RNFT2: variants seen among roughly 807,000 people sequenced by gnomAD.
RNFT2 encodes ring finger protein, transmembrane 2.
A neutral mutation model predicts 53.0 loss-of-function variants in RNFT2; 36 were observed. That is an observed-to-expected ratio of 0.68 (90% CI 0.52 to 0.90). RNFT2 has a LOEUF of 0.90. Among genes scored for constraint, RNFT2 ranks in the 40% least tolerant of loss-of-function variants. The pLI is 0.00. For missense variants in RNFT2, 514 were observed against 585.6 expected (o/e 0.88, Z 1.26); for synonymous variants, 260 against 253.2 (o/e 1.03, Z -0.26).
At chr12:116,816,876 G>T (rs549481819) in intron 7 of RNFT2, among the ~76,000 whole-genome samples, 16 of 152,282 alleles carry the variant, frequency 1.1e-4, no homozygotes, top group Non-Finnish European at 2.2e-4. Context: ...GTAGAGAACT[G>T]CTAGTTTCTT....
intron 5 of RNFT2, among the ~76,000 whole-genome samples, chr12:116,766,365 C>G (rs532134606): frequency 2.0e-5 from 3 of 152,168 alleles, no homozygotes; most frequent in African/African-American, 7.2e-5. Flanking sequence ...GGTTTCTTAA[C>G]CTCTCTGTGC....
intron 10 of RNFT2, among the ~76,000 whole-genome samples, chr12:116,841,545 C>G (rs528948216): frequency 6.7e-6 from 1 of 149,996 alleles, no homozygotes; most frequent in East Asian, 2.0e-4. Context: ...GTCAGGAGTT[C>G]GAGACCAGCC....
In RNFT2 at chr12:116,849,391, G is replaced by A; in HGVS notation, c.1278G>A (p.Val426=). 1.3e-6 allele frequency: 2 copies of A among 1,570,858 alleles called. No homozygotes were observed. Among genetic ancestry groups the A allele is most frequent in the South Asian group, 1.2e-5 (1 of 85,482 alleles). Residue 426 remains valine (V), a synonymous_variant, in exon 11 of 11, where the codon GTG becomes GTA. Transcript: ENST00000257575. The stretch of plus-strand genomic sequence containing the variant: ...GCCCGCTCTGCCGCTCGGTCGCCGT[G>A]GACACCCTGCGCTGCTGGAAGGACG... The part of the protein sequence containing the change: ...RTCPLCRSVA[V]DTLRCWKDGA...
At chr12:116,794,814 G>T (rs191450503) in intron 7 of RNFT2, among the ~76,000 whole-genome samples, 1 of 152,030 alleles carries the variant, frequency 6.6e-6, no homozygotes, top group Non-Finnish European at 1.5e-5. Flanking sequence ...ACCGCATGGA[G>T]TTCGGCTCGG....
chr12:116,836,340 T>C, intron 10 of RNFT2, 58 bp downstream of exon 10: 1 of 1,389,650 alleles, frequency 7.2e-7, no homozygotes, highest in Non-Finnish European at 1.0e-6. Context: ...GTAGGACCCT[T>C]CCCCATGGGC....
chr12:116,804,455 T>C (rs1874949906), intron 7 of RNFT2, among the ~76,000 whole-genome samples: 1 of 152,252 alleles, frequency 6.6e-6, no homozygotes, highest in Non-Finnish European at 1.5e-5. Context: ...CTCAGTTTAT[T>C]CATTTTTCAG....
Position 116,779,374 on chromosome 12 carries a change from T to C in RNFT2, c.882+26T>C, listed in dbSNP as rs1197138572. On this transcript the variant is annotated intron_variant, in intron 7 of 10. Transcript: ENST00000257575. ...GTAGGCACTGGCTGCGGCCACAAGG[T>C]AGCCCCAGTCACATGGATCATGCAG... 4 of 1,613,212 alleles carry C rather than the reference T, an allele frequency of 2.5e-6. No homozygotes were observed. In the African/African-American group the frequency reaches 4.0e-5, roughly 16 times the overall value.
Position 116,821,802 on chromosome 12 carries a change from C to CTTTTTTTTT in RNFT2, c.883-11966_883-11958dup, listed in dbSNP as rs149043452. Among the ~76,000 whole-genome samples the CTTTTTTTTT allele has an allele frequency of 1.4e-3, 62 of 43,938 alleles. 4 individuals are homozygous for CTTTTTTTTT. Among genetic ancestry groups the CTTTTTTTTT allele is most frequent in the African/African-American group, 3.8e-3 (37 of 9,782 alleles). 28.8% of individuals were successfully genotyped at this position (43,938 alleles called of 152,430 possible). A position where few individuals can be genotyped will look rare whatever the true frequency, so the allele number is the denominator to read the frequency against. On this transcript the variant is annotated intron_variant, in intron 7 of 10. Coordinates refer to ENST00000257575, the MANE Select transcript of RNFT2 (RefSeq NM_001382266.1). ...TCCTCCTTTTTCTGACTACTTGTTT[C>CTTTTTTTTT]TTTTTTTTTTTTTTTTTTTTTTTTT...
chr12:116,768,145 G>A (rs10850713), intron 6 of RNFT2, among the ~76,000 whole-genome samples: 7,572 of 147,586 alleles, frequency 0.051, 533 homozygotes, highest in African/African-American at 0.15. Flanking sequence ...TTGTTGCCCA[G>A]GCTGGGGTGC....
At position 116,750,196 on chromosome 12, in the gene RNFT2, G is replaced by T. The variant is rs1872122584; in HGVS notation, c.439G>T (p.Gly147Trp). 6.2e-7 allele frequency: 1 copy of T among 1,602,430 alleles called. No individual in the cohort carries two copies. The change falls in exon 4 of 11, where the codon GGG becomes TGG. Residue 147 changes from glycine (G) to tryptophan (W), a missense_variant. Gly to Trp is a radical substitution (Grantham distance 184, BLOSUM62 -2). Transcript: ENST00000257575. ...HSEEGGDEQP[G>W]TPAPALSELK... is the part of the protein sequence containing the mutation. ...GGAGGAGGGAGGCGACGAGCAGCCT[G>T]GGACGCCCGCCCCCGCCCTGTCCGA... is the stretch of plus-strand genomic sequence containing the variant.
rs1166429185 is a variant in RNFT2 at position 116,779,215 on chromosome 12, A to G, written c.749A>G (p.Asn250Ser). The G allele has an allele frequency of 6.2e-7, 1 of 1,613,866 alleles. No homozygotes were observed. Among genetic ancestry groups the G allele is most frequent in the Admixed American group, 1.7e-5 (1 of 60,004 alleles). ...CCCAGCCTCATATTCCTGAAGCCCA[A>G]CCTGGAGATGCTGGACTTCTTTGAC... The part of the protein sequence containing the change: ...LYNSLIFLKP[N>S]LEMLDFFDLL... The change falls in exon 7 of 11, where the codon AAC becomes AGC. Residue 250 changes from asparagine to serine, a missense_variant. This residue lies in a region of RNFT2 where 273 missense variants were observed against 334.4 expected (regional missense o/e 0.82). Transcript: ENST00000257575.
intron 7 of RNFT2, among the ~76,000 whole-genome samples, chr12:116,785,851 C>T (rs115201325): frequency 0.012 from 1,807 of 152,080 alleles, 43 homozygotes; most frequent in African/African-American, 0.042. Context: ...GAGTTCGAGA[C>T]AAGCCTGGGC....
rs984249125 is a variant in RNFT2, at chr12:116,850,312, GCCTGGCTAATTT to G, written c.*865_*876del. The G allele has an allele frequency of 1.7e-5, 2 of 120,346 alleles. No homozygotes were observed. The highest frequency in any genetic ancestry group is 1.7e-5 in the Non-Finnish European group (1 of 57,418). The allele number at this position is 120,346 out of a possible 1,614,324, so 7.5% of individuals were successfully genotyped here. A position where few individuals can be genotyped will look rare whatever the true frequency, so the allele number is the denominator to read the frequency against. On this transcript the variant is annotated 3_prime_UTR_variant, in exon 11 of 11. Transcript: ENST00000257575. Reference sequence around the variant, plus strand: ...TGGGACTACAGGTGTGTGCCACCAGGCCTGGCTAATTTTTTTTTTTTTTTAATTTTTAGTAGA... The same window carrying G: ...TGGGACTACAGGTGTGTGCCACCAGGTTTTTTTTTTTTAATTTTTAGTAGA...
In RNFT2 at chr12:116,852,237, G is replaced by A; in HGVS notation, c.*2789G>A. 1 of 1,278,270 alleles carries A rather than the reference G, an allele frequency of 7.8e-7. No homozygotes were observed. 79.2% of individuals were successfully genotyped at this position (1,278,270 alleles called of 1,614,324 possible). On this transcript the variant is annotated 3_prime_UTR_variant, in exon 11 of 11. Transcript: ENST00000257575. Reference sequence around the variant, plus strand: ...AGAGAAAGCAATCTGTGTGGCTAGTGGGCAGATTACCATGCAAGCCCCAGG... The same window carrying A: ...AGAGAAAGCAATCTGTGTGGCTAGTAGGCAGATTACCATGCAAGCCCCAGG...
At chr12:116,830,123 C>T (rs1229551600) in intron 7 of RNFT2, among the ~76,000 whole-genome samples, 1 of 152,066 alleles carries the variant, frequency 6.6e-6, no homozygotes, top group Admixed American at 6.6e-5. Flanking sequence ...GCTGCGAGTT[C>T]CCATATACCC....
intron 7 of RNFT2, among the ~76,000 whole-genome samples, chr12:116,832,146 A>ATATATATATAT (rs59112507): frequency 5.2e-4 from 37 of 71,056 alleles, no homozygotes; most frequent in Admixed American, 9.3e-4. Flanking sequence ...AAAAAAAAAA[A>ATATATATATAT]AAATATATAT....
chr12:116,810,944 T>C (rs1423451865), intron 7 of RNFT2, among the ~76,000 whole-genome samples: 1 of 152,240 alleles, frequency 6.6e-6, no homozygotes, highest in Admixed American at 6.5e-5. Flanking sequence ...GTCTCAACTT[T>C]TAGCTTGTCC....
rs149412279 is a variant in RNFT2 at position 116,834,441 on chromosome 12, A to G, written c.1032+500A>G. On this transcript the variant is annotated intron_variant, in intron 8 of 10. Coordinates refer to ENST00000257575, the MANE Select transcript of RNFT2 (RefSeq NM_001382266.1). The stretch of plus-strand genomic sequence containing the variant: ...GCCTCCAGTAACTATTTTAAAGTGT[A>G]TAATTAAATGGCATTGAGCGGATTC... Among the ~76,000 whole-genome samples, 16 of 152,244 alleles carry G rather than the reference A, an allele frequency of 1.1e-4. No individual in the cohort carries two copies. In the East Asian group the frequency reaches 2.3e-3, roughly 22 times the overall value.
intron 7 of RNFT2, among the ~76,000 whole-genome samples, chr12:116,818,355 A>C (rs1024328848): frequency 2.6e-5 from 4 of 151,552 alleles, no homozygotes; most frequent in Admixed American, 6.6e-5. Flanking sequence ...TTCGTCTGCA[A>C]ACCTGGGCTG....
Sources: allele counts gnomAD v4.1 joint callset (sites outside exome capture counted in the v4.1 genomes callset), GRCh38; gene constraint gnomAD v4.1.1; regional missense constraint gnomAD v4.1.1; transcripts MANE v1.5; gene names NCBI Gene and HGNC (gene_info 2026-07-23, HGNC 2026-07-21).